CNTN5: variants seen among roughly 807,000 people sequenced by gnomAD.
CNTN5 encodes the protein contactin-5.
A neutral mutation model predicts 129.1 loss-of-function variants in CNTN5; 77 were observed. The ratio of observed to expected loss-of-function variants is 0.60; its 90% CI spans 0.50 to 0.72. The LOEUF (loss-of-function observed/expected upper bound fraction) is 0.72. Ranked by LOEUF, CNTN5 falls within the 30% of genes least tolerant of loss-of-function variation. CNTN5 has a pLI of 0.00. For synonymous variants in CNTN5, 509 were observed against 465.6 expected (o/e 1.09, Z -1.20); for missense variants, 1,478 against 1,328.8 (o/e 1.11, Z -1.75).
intron 1 of CNTN5, among the ~76,000 whole-genome samples, chr11:99,114,138 T>C (rs1297588035): frequency 4.6e-5 from 7 of 152,198 alleles, no homozygotes; most frequent in South Asian, 2.1e-4. Flanking sequence ...TTGAATTACA[T>C]AGAGTATCTT....
chr11:99,883,868 T>A (rs1480586010), intron 6 of CNTN5, among the ~76,000 whole-genome samples: 1 of 152,212 alleles, frequency 6.6e-6, no homozygotes, highest in African/African-American at 2.4e-5. Context: ...GCAAGTCCTG[T>A]TACAGAAGAT....
chr11:99,415,462 G>T lies in CNTN5; in HGVS notation c.-71+89978G>T, dbSNP rs1349313745. Among the ~76,000 whole-genome samples, 3 of 152,258 alleles carry T rather than the reference G, an allele frequency of 2.0e-5. No individual in the cohort carries two copies. In the East Asian group the frequency reaches 5.8e-4, roughly 29 times the overall value. On this transcript the variant is annotated intron_variant, in intron 2 of 24. Coordinates refer to ENST00000524871, the MANE Select transcript of CNTN5 (RefSeq NM_014361.4). ...GGGGCAGGGCCTCTCTGGAATGTGG[G>T]TCTTATAACCTATACCAGGTAAATC... is the stretch of plus-strand genomic sequence containing the variant.
At chr11:99,639,157 G>T (rs1951673692) in intron 3 of CNTN5, among the ~76,000 whole-genome samples, 1 of 152,190 alleles carries the variant, frequency 6.6e-6, no homozygotes, top group Admixed American at 6.5e-5. Context: ...GCCAAGGCTT[G>T]GGGCTTCCAC....
At chr11:100,179,677 C>A (rs1010820064) in intron 13 of CNTN5, among the ~76,000 whole-genome samples, 1 of 151,838 alleles carries the variant, frequency 6.6e-6, no homozygotes, top group African/African-American at 2.4e-5. Flanking sequence ...CCTGATTATA[C>A]CTGAGAGGTG....
At chr11:99,845,743 A>C (rs936330092) in intron 6 of CNTN5, among the ~76,000 whole-genome samples, 1 of 152,160 alleles carries the variant, frequency 6.6e-6, no homozygotes, top group African/African-American at 2.4e-5. Context: ...CTAGCCTGAC[A>C]GGTTGAAGTC....
chr11:99,678,140 A>G (rs1052330074), intron 3 of CNTN5, among the ~76,000 whole-genome samples: 1 of 152,158 alleles, frequency 6.6e-6, no homozygotes, highest in Middle Eastern at 3.2e-3. Context: ...AATAAGTTAT[A>G]TCACTACACA....
intron 1 of CNTN5, among the ~76,000 whole-genome samples, chr11:99,103,012 A>G (rs1034807846): frequency 2.8e-4 from 43 of 152,284 alleles, no homozygotes; most frequent in African/African-American, 9.6e-4. Context: ...GCAAAAGGCA[A>G]AAGGCATATC....
In CNTN5 at chr11:100,317,435, T is replaced by G. The variant is rs902568060; in HGVS notation, c.2730+8967T>G. On this transcript the variant is annotated intron_variant, in intron 21 of 24. Coordinates refer to ENST00000524871, the MANE Select transcript of CNTN5 (RefSeq NM_014361.4). ...GTAGCCGCCATTTTACAGAGCCTCT[T>G]TGGCTTTTTATTAATACTACATTAA... is the stretch of plus-strand genomic sequence containing the variant. 3.3e-5 allele frequency among the ~76,000 whole-genome samples: 5 copies of G among 152,204 alleles called. No individual in the cohort carries two copies. In the South Asian group the frequency reaches 6.2e-4, roughly 19 times the overall value.
At chr11:99,441,789 T>C (rs1943839368) in intron 2 of CNTN5, among the ~76,000 whole-genome samples, 1 of 152,212 alleles carries the variant, frequency 6.6e-6, no homozygotes, top group Non-Finnish European at 1.5e-5. Context: ...ACAGCTTGGC[T>C]CAGAACTCTT....
chr11:100,263,031 T>A (rs1013536465), intron 17 of CNTN5, among the ~76,000 whole-genome samples: 1 of 152,172 alleles, frequency 6.6e-6, no homozygotes, highest in Admixed American at 6.6e-5. Context: ...ATTTTAAAAA[T>A]TTTTTCATCT....
intron 1 of CNTN5, among the ~76,000 whole-genome samples, chr11:99,190,799 G>T (rs1361529255): frequency 6.6e-6 from 1 of 151,296 alleles, no homozygotes; most frequent in African/African-American, 2.4e-5. Flanking sequence ...GGAGTCTTTA[G>T]GGATTTCTAT....
intron 2 of CNTN5, among the ~76,000 whole-genome samples, chr11:99,485,785 C>T (rs914063099): frequency 6.6e-6 from 1 of 151,948 alleles, no homozygotes; most frequent in African/African-American, 2.4e-5. Context: ...CATGAAATTT[C>T]TCACAGTATT....
intron 2 of CNTN5, among the ~76,000 whole-genome samples, chr11:99,383,595 G>T (rs1052398457): frequency 8.1e-5 from 11 of 135,026 alleles, no homozygotes; most frequent in Admixed American, 8.0e-4. Flanking sequence ...TTGAGAAGCT[G>T]CTTTTTTTTT....
chr11:99,318,926 A>G lies in CNTN5; in HGVS notation c.-209-6420A>G, dbSNP rs182718252. 2.0e-5 allele frequency among the ~76,000 whole-genome samples: 3 copies of G among 152,376 alleles called. No homozygotes were observed. The East Asian group carries it at 5.8e-4, about 29-fold the overall frequency. On this transcript the variant is annotated intron_variant, in intron 1 of 24. Coordinates refer to ENST00000524871, the MANE Select transcript of CNTN5 (RefSeq NM_014361.4). ...AAGACAAATATGAAGGTTTGGTATT[A>G]ATTGAAAATCTGCAGTCTTATACAC...
At position 100,074,144 on chromosome 11, in the gene CNTN5, C is replaced by A. The variant is rs763331904; in HGVS notation, c.1430C>A (p.Ala477Asp). ...AAACTAACATTTGCTTTTTTAATAGCTTCAGCTCCCACTTTTGCACTGAAT... is the reference window on the plus strand; with the variant it reads ...AAACTAACATTTGCTTTTTTAATAGATTCAGCTCCCACTTTTGCACTGAAT... ...IYASAELKILASAPTFALNQL... is the reference protein window; with the variant it reads ...IYASAELKILDSAPTFALNQL... The change falls in exon 13 of 25, where the codon GCT becomes GAT. Residue 477 changes from alanine to aspartate, a missense_variant and splice_region_variant. Physicochemically the swap from Ala to Asp is moderately radical, Grantham distance 126. Transcript: ENST00000524871. 1 of 1,610,060 alleles carries A rather than the reference C, an allele frequency of 6.2e-7. No homozygotes were observed. The highest frequency in any genetic ancestry group is 2.2e-5 in the East Asian group (1 of 44,738).
At chr11:100,049,566 T>G (rs1844940468) in intron 9 of CNTN5, among the ~76,000 whole-genome samples, 1 of 152,018 alleles carries the variant, frequency 6.6e-6, no homozygotes, top group South Asian at 2.1e-4. Flanking sequence ...AGAAAAACAT[T>G]GTCAGACTAG....
intron 4 of CNTN5, among the ~76,000 whole-genome samples, chr11:99,824,566 CT>C (rs1946895941): frequency 6.6e-6 from 1 of 151,696 alleles, no homozygotes; most frequent in Non-Finnish European, 1.5e-5. Flanking sequence ...TCAGTAGTAC[CT>C]TTTGTTAAAC....
chr11:99,187,596 C>T (rs546176500), intron 1 of CNTN5, among the ~76,000 whole-genome samples: 15 of 151,624 alleles, frequency 9.9e-5, no homozygotes, highest in Non-Finnish European at 2.1e-4. Context: ...TTGAGTTTTA[C>T]TTTTTAATTT....
chr11:100,089,911 A>G (rs1465026053), intron 13 of CNTN5, among the ~76,000 whole-genome samples: 1 of 152,012 alleles, frequency 6.6e-6, no homozygotes, highest in Non-Finnish European at 1.5e-5. Context: ...GAGGGGAGGG[A>G]GAGAATTGGG....
Sources: allele counts gnomAD v4.1 joint callset (sites outside exome capture counted in the v4.1 genomes callset), GRCh38; gene constraint gnomAD v4.1.1; transcripts MANE v1.5; gene names NCBI Gene and HGNC (gene_info 2026-07-23, HGNC 2026-07-21).